RIMS2: variants seen among roughly 807,000 people sequenced by gnomAD.
RIMS2 encodes the protein regulating synaptic membrane exocytosis 2.
Under a neutral mutation model 174.4 loss-of-function variants are expected in RIMS2, and 59 were observed. The observed-to-expected ratio is 0.34, with a 90% CI of 0.27 to 0.42. The LOEUF is 0.42. Among genes scored for constraint, RIMS2 ranks in the 10% least tolerant of loss-of-function variants. RIMS2 has a pLI of 1.00. For missense variants in RIMS2, 1,620 were observed against 1,666.3 expected (o/e 0.97, Z 0.48); for synonymous variants, 606 against 572.5 (o/e 1.06, Z -0.84).
chr8:103,728,872 C>T (rs1244564307), intron 2 of RIMS2, among the ~76,000 whole-genome samples: 1 of 149,380 alleles, frequency 6.7e-6, no homozygotes, highest in Non-Finnish European at 1.5e-5. Context: ...CATGATGTAA[C>T]AAATTGATTG....
chr8:103,782,268 T>A (rs1184441936), intron 3 of RIMS2, among the ~76,000 whole-genome samples: 2 of 152,150 alleles, frequency 1.3e-5, no homozygotes, highest in African/African-American at 2.4e-5. Context: ...CTTTCTTTTT[T>A]AATTTAGCAG....
intron 1 of RIMS2, among the ~76,000 whole-genome samples, chr8:103,605,594 C>T (rs552860648): frequency 5.4e-4 from 82 of 151,922 alleles, no homozygotes; most frequent in African/African-American, 1.9e-3. Context: ...CCTCCTTGTA[C>T]CTCTGGTAGA....
chr8:103,826,166 TCTGTGGTTTGC>T (rs2098789702), intron 3 of RIMS2, among the ~76,000 whole-genome samples: 1 of 152,156 alleles, frequency 6.6e-6, no homozygotes, highest in African/African-American at 2.4e-5. Flanking sequence ...TTTCTCCCAT[TCTGTGGTTTGC>T]CTGTTTATTT....
intron 1 of RIMS2, among the ~76,000 whole-genome samples, chr8:103,610,121 G>T (rs978325704): frequency 1.3e-5 from 2 of 151,962 alleles, no homozygotes; most frequent in African/African-American, 4.8e-5. Flanking sequence ...TTCTTAATTT[G>T]GCTCTCTGCT....
chr8:103,626,651 C>T (rs1382749492), intron 1 of RIMS2, among the ~76,000 whole-genome samples: 1 of 152,088 alleles, frequency 6.6e-6, no homozygotes, highest in East Asian at 1.9e-4. Flanking sequence ...AATATTTCCA[C>T]GTAGGTTCTT....
At chr8:104,093,621 C>A in intron 19 of RIMS2, 1 of 1,594,388 alleles carries the variant, frequency 6.3e-7, no homozygotes, top group Non-Finnish European at 8.5e-7. Context: ...ATCAGAACGC[C>A]CAGGAGGAAA....
At chr8:104,104,172 G>A (rs76694832) in intron 19 of RIMS2, among the ~76,000 whole-genome samples, 2,631 of 152,268 alleles carry the variant, frequency 0.017, 132 homozygotes, top group East Asian at 0.15. Context: ...TAAGAAGTAA[G>A]AATATAAGAG....
intron 19 of RIMS2, among the ~76,000 whole-genome samples, chr8:104,222,535 CAG>C (rs1423545907): frequency 6.6e-6 from 1 of 152,142 alleles, no homozygotes; most frequent in African/African-American, 2.4e-5. Flanking sequence ...GATTGGGAAA[CAG>C]AGGTGGGATG....
intron 1 of RIMS2, among the ~76,000 whole-genome samples, chr8:103,680,276 A>C (rs956231539): frequency 6.6e-6 from 1 of 152,076 alleles, no homozygotes; most frequent in African/African-American, 2.4e-5. Context: ...AAATCAGTGG[A>C]AGAAAGGACG....
rs541800826 is a variant in RIMS2, at chr8:104,188,420, A to C, written c.3335-56496A>C. Among the ~76,000 whole-genome samples, 171 of 151,828 alleles carry C rather than the reference A, an allele frequency of 1.1e-3. 1 individual carries two copies. The highest frequency in any genetic ancestry group is 3.8e-3 in the African/African-American group (159 of 41,476). On this transcript the variant is annotated intron_variant, in intron 19 of 23. Transcript: ENST00000504942. ...TCAGTAGTTTTTAATTGCTATGTAT[A>C]ATTCAAAAAGAGTATAATAAACATA...
At chr8:104,125,128 CTA>C (rs1040463357) in intron 19 of RIMS2, among the ~76,000 whole-genome samples, 20 of 152,180 alleles carry the variant, frequency 1.3e-4, no homozygotes, top group African/African-American at 4.6e-4. Context: ...TGGTAAAGGA[CTA>C]TGTCTGCATA....
intron 19 of RIMS2, among the ~76,000 whole-genome samples, chr8:104,050,709 G>A (rs1416809226): frequency 2.6e-5 from 4 of 152,126 alleles, no homozygotes; most frequent in East Asian, 1.9e-4. Context: ...TAAGTAAAGC[G>A]TAGCACTGGA....
chr8:103,648,681 A>C (rs1299672208), intron 1 of RIMS2, among the ~76,000 whole-genome samples: 1 of 152,190 alleles, frequency 6.6e-6, no homozygotes, highest in Non-Finnish European at 1.5e-5. Context: ...TGAACCCTTT[A>C]TCATTCCATA....
chr8:103,518,010 G>T (rs142782303), intron 1 of RIMS2, among the ~76,000 whole-genome samples: 145 of 152,206 alleles, frequency 9.5e-4, no homozygotes, highest in African/African-American at 3.2e-3. Context: ...TTGGCCCGCG[G>T]GTTGGACAGG....
intron 1 of RIMS2, among the ~76,000 whole-genome samples, chr8:103,692,555 G>A (rs1398647946): frequency 2.6e-5 from 4 of 152,232 alleles, no homozygotes; most frequent in Non-Finnish European, 5.9e-5. Context: ...AGTACTGCCT[G>A]GGCATTCCTG....
At chr8:104,209,739 A>T (rs1251684375) in intron 19 of RIMS2, among the ~76,000 whole-genome samples, 1 of 152,218 alleles carries the variant, frequency 6.6e-6, no homozygotes, top group South Asian at 2.1e-4. Context: ...TATCTGATAG[A>T]CTATCTTGCA....
chr8:104,205,079 TTTATCTCCA>T (rs1483274301), intron 19 of RIMS2, among the ~76,000 whole-genome samples: 6 of 152,158 alleles, frequency 3.9e-5, no homozygotes, highest in Non-Finnish European at 7.4e-5. Context: ...AGAGTTTACC[TTTATCTCCA>T]GATCTAGCCA....
chr8:103,820,475 T>C (rs2098745269), intron 3 of RIMS2, among the ~76,000 whole-genome samples: 1 of 151,968 alleles, frequency 6.6e-6, no homozygotes, highest in Admixed American at 6.6e-5. Context: ...GGGGAACTAA[T>C]AGTGCATAAA....
At chr8:103,715,931 T>C (rs2138184343) in intron 2 of RIMS2, among the ~76,000 whole-genome samples, 1 of 152,274 alleles carries the variant, frequency 6.6e-6, no homozygotes, top group South Asian at 2.1e-4. Flanking sequence ...AAAACTTTTT[T>C]CTTAAACATT....
Sources: gnomAD v4.1 joint callset for allele counts (sites outside exome capture counted in the v4.1 genomes callset) on GRCh38, gnomAD v4.1.1 for gene constraint, MANE v1.5 for transcripts, NCBI Gene and HGNC (gene_info 2026-07-23, HGNC 2026-07-21) for gene names.